The following CENPU variants were observed in gnomAD, a reference collection of about 807,000 sequenced individuals.
CENPU encodes the protein centromere protein U.
Under a neutral mutation model 56.7 loss-of-function variants are expected in CENPU, and 46 were observed. The observed-to-expected ratio is 0.81, with a 90% confidence interval of 0.64 to 1.04. The LOEUF (loss-of-function observed/expected upper bound fraction) is 1.04. CENPU is among the 50% of genes least tolerant of loss of function. The probability of loss-of-function intolerance (pLI) is 0.00; values close to 1 mark genes in which losing one functional copy is unlikely to be tolerated. For missense variants in CENPU, 510 were observed against 490.1 expected (o/e 1.04, Z -0.38); for synonymous variants, 166 against 163.0 (o/e 1.02, Z -0.14).
chr4:184,700,681 C>T, intron 11 of CENPU, 139 bp downstream of exon 11: 1 of 763,610 alleles, frequency 1.3e-6, no homozygotes, highest in South Asian at 1.5e-5. Context: ...GCAGCATACC[C>T]TGCCTTCACT....
chr4:184,695,177 T>C lies in CENPU; in HGVS notation c.*111A>G, dbSNP rs1579746437. On this transcript the variant is annotated 3_prime_UTR_variant, in exon 13 of 13. Transcript: ENST00000281453. ...AATTTGAATAACAAATTTTAGATTC[T>C]AAGTAGGCCATAACTTCTTTGCAAA... 4 of 727,296 alleles carry C rather than the reference T, an allele frequency of 5.5e-6. No homozygotes were observed. In the East Asian group the frequency reaches 1.0e-4, roughly 18 times the overall value. 45.1% of individuals were successfully genotyped at this position (727,296 alleles called of 1,614,324 possible). A position where few individuals can be genotyped will look rare whatever the true frequency, so the allele number is the denominator to read the frequency against.
intron 6 of CENPU, among the ~76,000 whole-genome samples, chr4:184,715,937 G>GT (rs5864897): frequency 0.21 from 28,753 of 135,604 alleles, 3,898 homozygotes; most frequent in East Asian, 0.71. Flanking sequence ...CTTTTTTTTT[G>GT]TTTTTTTTTT....
intron 7 of CENPU, 81 bp downstream of exon 7, chr4:184,712,863 C>T: frequency 1.0e-6 from 1 of 971,064 alleles, no homozygotes; most frequent in Non-Finnish European, 1.6e-6. Context: ...CAATTTACTA[C>T]TATAACAAAT....
chr4:184,731,948 A>AT (rs1257967880), intron 1 of CENPU, among the ~76,000 whole-genome samples: 1 of 150,440 alleles, frequency 6.6e-6, no homozygotes, highest in Non-Finnish European at 1.5e-5. Context: ...AAATACTACA[A>AT]TATGTCTTTC....
rs1448068560 is a variant in CENPU, at chr4:184,719,509, T to C, written c.321-2313A>G. Among the ~76,000 whole-genome samples, 6 of 152,316 alleles carry C rather than the reference T, an allele frequency of 3.9e-5. No individual in the cohort carries two copies. In the East Asian group the frequency reaches 1.2e-3, roughly 29 times the overall value. ...ATCTTAGCAGCAGGAGCTTGAGCTC[T>C]GACAAGCCTTGCCACTATGGGCTAA... is the stretch of plus-strand genomic sequence containing the variant. On this transcript the variant is annotated intron_variant, in intron 4 of 12. Coordinates refer to ENST00000281453, the MANE Select transcript of CENPU (RefSeq NM_024629.4).
chr4:184,733,730 G>C (rs533467233), intron 1 of CENPU, among the ~76,000 whole-genome samples: 2 of 152,226 alleles, frequency 1.3e-5, no homozygotes, highest in Non-Finnish European at 2.9e-5. Flanking sequence ...CTAGCACTTT[G>C]AGACTCACTA....
chr4:184,724,232 C>T (rs1243945947), intron 4 of CENPU, among the ~76,000 whole-genome samples: 5 of 152,148 alleles, frequency 3.3e-5, no homozygotes, highest in Admixed American at 6.5e-5. Context: ...AGCCACTGCA[C>T]TCCAGCGTGG....
chr4:184,717,213 C>G lies in CENPU; in HGVS notation c.321-17G>C. On this transcript the variant is annotated splice_polypyrimidine_tract_variant and intron_variant, in intron 4 of 12. Coordinates refer to ENST00000281453, the MANE Select transcript of CENPU (RefSeq NM_024629.4). ...GTGTCTGAACTGTAAAAAGTACAAGCCATCAATATCTTGTACACATTCCAT... is the reference window on the plus strand; with the variant it reads ...GTGTCTGAACTGTAAAAAGTACAAGGCATCAATATCTTGTACACATTCCAT... The G allele has an allele frequency of 1.9e-6, 3 of 1,592,916 alleles. No homozygotes were observed. The highest frequency in any genetic ancestry group is 2.7e-5 in the African/African-American group (2 of 74,654).
At chr4:184,724,895 TAA>T (rs1195031004) in intron 4 of CENPU, 60 bp downstream of exon 4, 64 of 1,107,150 alleles carry the variant, frequency 5.8e-5, no homozygotes, top group Non-Finnish European at 8.3e-5. Context: ...GCTTCTATCT[TAA>T]AGAGTTTCTC....
chr4:184,730,328 GA>G (rs1761594106), intron 2 of CENPU, among the ~76,000 whole-genome samples: 1 of 152,026 alleles, frequency 6.6e-6, no homozygotes, highest in Non-Finnish European at 1.5e-5. Context: ...GAGGGGAAGA[GA>G]GCTATCGTCT....
At chr4:184,702,909 T>A (rs1248033964) in intron 8 of CENPU, among the ~76,000 whole-genome samples, 1 of 152,232 alleles carries the variant, frequency 6.6e-6, no homozygotes, top group Admixed American at 6.5e-5. Flanking sequence ...GATTTTGTTC[T>A]TTTTTATAGC....
At chr4:184,705,809 C>G (rs1760708156) in intron 8 of CENPU, among the ~76,000 whole-genome samples, 1 of 152,164 alleles carries the variant, frequency 6.6e-6, no homozygotes, top group Non-Finnish European at 1.5e-5. Context: ...TGCAAGCTAT[C>G]ACACAGATGA....
chr4:184,715,891 T>G (rs1761074402), intron 6 of CENPU, among the ~76,000 whole-genome samples: 2 of 152,162 alleles, frequency 1.3e-5, no homozygotes, highest in Admixed American at 1.3e-4. Context: ...GTTATGGAAT[T>G]ACAGATGATT....
chr4:184,729,364 AATTCTTTT>A (rs1761561474), intron 2 of CENPU, among the ~76,000 whole-genome samples: 1 of 152,194 alleles, frequency 6.6e-6, no homozygotes, highest in South Asian at 2.1e-4. Flanking sequence ...CAAGAAAGTA[AATTCTTTT>A]AGGCTTTGCA....
intron 12 of CENPU, among the ~76,000 whole-genome samples, chr4:184,695,958 GTTAAAA>G (rs1262338644): frequency 1.3e-5 from 2 of 152,168 alleles, no homozygotes; most frequent in Non-Finnish European, 2.9e-5. Context: ...AATGATTCAT[GTTAAAA>G]TTAGAATACA....
Position 184,729,024 on chromosome 4 carries a change from T to C in CENPU, c.108A>G (p.Gln36=). ...RTHSMKDKAG[Q]KCKPIDVFDF... is the part of the protein sequence containing the mutation. ...CGAACACGTCAATAGGCTTGCACTT[T>C]TGACCAGCTTTCTAAAAGTGAATAA... is the stretch of plus-strand genomic sequence containing the variant. The change falls in exon 3 of 13, where the codon CAA becomes CAG. Residue 36 remains glutamine, a synonymous_variant. Coordinates refer to ENST00000281453, the MANE Select transcript of CENPU (RefSeq NM_024629.4). The C allele has an allele frequency of 1.2e-6, 2 of 1,612,688 alleles. No individual in the cohort carries two copies. The highest frequency in any genetic ancestry group is 1.7e-6 in the Non-Finnish European group (2 of 1,179,220).
chr4:184,721,620 CTAGATT>C (rs147336732), intron 4 of CENPU, among the ~76,000 whole-genome samples: 25,896 of 151,910 alleles, frequency 0.17, 2,383 homozygotes, highest in African/African-American at 0.24. Context: ...TTCAGACAAA[CTAGATT>C]TTAAGACAGA....
At chr4:184,708,902 G>C (rs1007505267) in intron 8 of CENPU, among the ~76,000 whole-genome samples, 6 of 152,176 alleles carry the variant, frequency 3.9e-5, no homozygotes, top group African/African-American at 1.4e-4. Context: ...AACAGAGACA[G>C]ACACACACAA....
intron 11 of CENPU, chr4:184,698,310 TTTC>T (rs1760407637): frequency 6.6e-6 from 1 of 152,214 alleles, no homozygotes; most frequent in South Asian, 2.1e-4. Context: ...AGTGGCTGAG[TTTC>T]TTCATCTATA....
Sources: allele counts gnomAD v4.1 joint callset (sites outside exome capture counted in the v4.1 genomes callset), GRCh38; gene constraint gnomAD v4.1.1; transcripts MANE v1.5; gene names NCBI Gene and HGNC (gene_info 2026-07-23, HGNC 2026-07-21).